The following NR1I2 variants were observed in gnomAD, a reference collection of about 807,000 sequenced individuals.
NR1I2 encodes orphan nuclear receptor PAR1.
NR1I2 carries 42 observed loss-of-function variants against 43.3 expected under a neutral mutation model. The observed-to-expected ratio is 0.97, with a 90% CI of 0.76 to 1.26. NR1I2 has a LOEUF of 1.26. Among genes scored for constraint, NR1I2 ranks in the 50% most tolerant of loss-of-function variants. NR1I2 has a pLI of 0.00. For synonymous variants in NR1I2, 229 were observed against 215.0 expected (o/e 1.06, Z -0.57); for missense variants, 559 against 566.7 (o/e 0.99, Z 0.14).
chr3:119,795,712 CT>C (rs776144321), intron 1 of NR1I2, among the ~76,000 whole-genome samples: 2 of 152,172 alleles, frequency 1.3e-5, no homozygotes, highest in Non-Finnish European at 2.9e-5. Flanking sequence ...TTAGTTTTCC[CT>C]CTCTCTGTGT....
rs749942595 is a variant in NR1I2, at chr3:119,815,067, G to C, written c.883G>C (p.Glu295Gln). ...GAGATTCAACACAGTGTTCAACGCG[G>C]AGACTGGAACCTGGGAGTGTGGCCG... Residue 295 changes from glutamate to glutamine, a missense_variant, in exon 6 of 9, where the codon GAG (glutamate) becomes CAG (glutamine). By Grantham distance (29) the Glu-to-Gln change is conservative. This residue lies in a region of NR1I2 where 323 missense variants were observed against 312.2 expected (regional missense o/e 1.03). Coordinates refer to ENST00000393716, the MANE Select transcript of NR1I2 (RefSeq NM_003889.4). The C allele has an allele frequency of 1.9e-6, 3 of 1,614,166 alleles. No individual in the cohort carries two copies. Among genetic ancestry groups the C allele is most frequent in the Admixed American group, 3.3e-5 (2 of 60,004 alleles).
chr3:119,787,523 C>T (rs952547497), intron 1 of NR1I2, among the ~76,000 whole-genome samples: 1 of 152,138 alleles, frequency 6.6e-6, no homozygotes, highest in African/African-American at 2.4e-5. Context: ...ATTCACCAAA[C>T]GTCTCCCTTC....
chr3:119,785,974 C>T (rs2054837645), intron 1 of NR1I2, among the ~76,000 whole-genome samples: 1 of 152,096 alleles, frequency 6.6e-6, no homozygotes, highest in Admixed American at 6.5e-5. Flanking sequence ...TCTTCTATTC[C>T]TCTTGGTTAA....
intron 1 of NR1I2, among the ~76,000 whole-genome samples, chr3:119,795,037 C>T (rs1395753101): frequency 1.3e-5 from 2 of 152,166 alleles, no homozygotes; most frequent in African/African-American, 4.8e-5. Context: ...CTAAAGGGCA[C>T]CTCTACTTGC....
chr3:119,811,480 AG>A (rs1170518755), intron 3 of NR1I2, 58 bp from the exon 4 acceptor site: 30 of 1,527,964 alleles, frequency 2.0e-5, no homozygotes, highest in Non-Finnish European at 2.3e-5. Context: ...GTGGCTCTCC[AG>A]GGGGCTGGAG....
intron 1 of NR1I2, chr3:119,792,072 T>G (rs1240574795): frequency 1.3e-6 from 1 of 745,024 alleles, no homozygotes; most frequent in Non-Finnish European, 2.5e-6. Context: ...TAGCAAAGAT[T>G]TACAGAATGT....
In NR1I2 at chr3:119,811,579, G is replaced by A. The variant is rs1169875028; in HGVS notation, c.372G>A (p.Leu124=). 3.1e-6 allele frequency: 5 copies of A among 1,613,576 alleles called. No homozygotes were observed. The Admixed American group carries it at 8.3e-5, about 27-fold the overall frequency. ...AGGCCGTGGAGGAGAGGCGGGCCTT[G>A]ATCAAGCGGAAGAAAAGTGAACGGA... Residue 124 remains leucine (L), a synonymous_variant, in exon 4 of 9, where the codon TTG becomes TTA. Coordinates refer to ENST00000393716, the MANE Select transcript of NR1I2 (RefSeq NM_003889.4).
chr3:119,792,371 A>G, intron 1 of NR1I2: 1 of 1,375,820 alleles, frequency 7.3e-7, no homozygotes, highest in African/African-American at 1.4e-5. Context: ...AAGCAGTGGA[A>G]GCCAAACAGG....
At chr3:119,797,212 G>GTGTGTT (rs1559785287) in intron 1 of NR1I2, among the ~76,000 whole-genome samples, 1 of 151,884 alleles carries the variant, frequency 6.6e-6, no homozygotes, top group Admixed American at 6.6e-5. Context: ...GTGTGTGTGT[G>GTGTGTT]TGTGTCCCCT....
At chr3:119,811,372 A>G (rs565936901) in intron 3 of NR1I2, 167 bp from the exon 4 acceptor site, 2 of 650,004 alleles carry the variant, frequency 3.1e-6, no homozygotes, top group Non-Finnish European at 5.2e-6. Context: ...TCTCCAGAAG[A>G]GCCCACAGGC....
chr3:119,791,636 C>T (rs184718947), intron 1 of NR1I2, among the ~76,000 whole-genome samples: 5 of 152,214 alleles, frequency 3.3e-5, no homozygotes, highest in African/African-American at 7.2e-5. Flanking sequence ...ACCTCTAGGC[C>T]GGGCTCAGTG....
intron 5 of NR1I2, among the ~76,000 whole-genome samples, chr3:119,813,739 G>C (rs767766236): frequency 6.6e-6 from 1 of 152,060 alleles, no homozygotes; most frequent in Non-Finnish European, 1.5e-5. Flanking sequence ...GCTGACAGCA[G>C]GTTTGGAATG....
intron 5 of NR1I2, among the ~76,000 whole-genome samples, chr3:119,814,555 C>T (rs1200862882): frequency 6.6e-6 from 1 of 152,142 alleles, no homozygotes; most frequent in Non-Finnish European, 1.5e-5. Flanking sequence ...CTGAGAGGGG[C>T]AAAGACATAG....
chr3:119,813,980 G>A (rs2055282793), intron 5 of NR1I2, among the ~76,000 whole-genome samples: 1 of 152,110 alleles, frequency 6.6e-6, no homozygotes, highest in African/African-American at 2.4e-5. Flanking sequence ...ACTTGTACAA[G>A]GTCACAGCTA....
chr3:119,811,420 T>C, intron 3 of NR1I2, 119 bp from the exon 4 acceptor site: 1 of 967,148 alleles, frequency 1.0e-6, no homozygotes, highest in Non-Finnish European at 1.5e-6. Flanking sequence ...CTTGTCACCA[T>C]TACTTTCTCT....
At chr3:119,810,292 G>C in intron 3 of NR1I2, 98 bp downstream of exon 3, 4 of 1,485,116 alleles carry the variant, frequency 2.7e-6, no homozygotes, top group Non-Finnish European at 3.6e-6. Context: ...GATGCGCGCC[G>C]AGTGTGCGCG....
At chr3:119,815,159 GA>G (rs1323427845) in intron 6 of NR1I2, 38 bp downstream of exon 6, 5 of 1,613,832 alleles carry the variant, frequency 3.1e-6, no homozygotes, top group Non-Finnish European at 4.2e-6. Flanking sequence ...CAGAGGGAGG[GA>G]AACACTGCAG....
rs544033191 is a variant in NR1I2 at position 119,809,083 on chromosome 3, G to A, written c.198-978G>A. Among the ~76,000 whole-genome samples the A allele has an allele frequency of 3.9e-5, 6 of 152,230 alleles. No homozygotes were observed. In the South Asian group the frequency reaches 1.2e-3, roughly 32 times the overall value. On this transcript the variant is annotated intron_variant, in intron 2 of 8. Coordinates refer to ENST00000393716, the MANE Select transcript of NR1I2 (RefSeq NM_003889.4). ...GGCTCAGCTTCCCAGGCCTGCCCTC[G>A]GGGACCTCTGCAGCCCTACCTGGCT...
At position 119,817,696 on chromosome 3, in the gene NR1I2, G is replaced by GAT; in HGVS notation, c.*484_*485insAT. On this transcript the variant is annotated 3_prime_UTR_variant, in exon 9 of 9. Transcript: ENST00000393716. ...CCCACTCGTTCCCCTCCTCTTCCGA[G>GAT]CTGCTTTGTGGGCTCCAGGCCTGTA... is the stretch of plus-strand genomic sequence containing the variant. 9.0e-7 allele frequency: 1 copy of GAT among 1,108,460 alleles called. No individual in the cohort carries two copies. Among genetic ancestry groups the GAT allele is most frequent in the Non-Finnish European group, 1.1e-6 (1 of 900,688 alleles). 68.7% of individuals were successfully genotyped at this position (1,108,460 alleles called of 1,614,324 possible).
Sources: allele counts gnomAD v4.1 joint callset (sites outside exome capture counted in the v4.1 genomes callset), GRCh38; gene constraint gnomAD v4.1.1; regional missense constraint gnomAD v4.1.1; transcripts MANE v1.5; gene names NCBI Gene and HGNC (gene_info 2026-07-23, HGNC 2026-07-21).